The following CNTNAP2 variants were observed in gnomAD, a reference collection of about 807,000 sequenced individuals.
CNTNAP2 encodes the protein contactin-associated protein-like 2.
Under a neutral mutation model 155.2 loss-of-function variants are expected in CNTNAP2, and 98 were observed. The ratio of observed to expected loss-of-function variants is 0.63; its 90% CI spans 0.54 to 0.75. The LOEUF (loss-of-function observed/expected upper bound fraction) is 0.75. CNTNAP2 is among the 30% of genes least tolerant of loss of function. The pLI is 0.00. For synonymous variants in CNTNAP2, 651 were observed against 631.2 expected (o/e 1.03, Z -0.47); for missense variants, 1,727 against 1,688.1 (o/e 1.02, Z -0.40).
intron 13 of CNTNAP2, among the ~76,000 whole-genome samples, chr7:147,896,365 A>G (rs968445056): frequency 2.0e-5 from 3 of 152,182 alleles, no homozygotes; most frequent in Non-Finnish European, 4.4e-5. Flanking sequence ...CCCGCTGCCT[A>G]GACAGAGTCG....
intron 6 of CNTNAP2, among the ~76,000 whole-genome samples, chr7:147,123,673 T>C (rs967222998): frequency 6.6e-6 from 1 of 152,264 alleles, no homozygotes; most frequent in Non-Finnish European, 1.5e-5. Context: ...TAAAAGTGGC[T>C]GTGCTTACCT....
intron 21 of CNTNAP2, among the ~76,000 whole-genome samples, chr7:148,365,051 C>T (rs186234560): frequency 3.2e-4 from 49 of 152,282 alleles, no homozygotes; most frequent in African/African-American, 1.0e-3. Flanking sequence ...TAACAGTCAC[C>T]GCGAGGGTCC....
At chr7:147,024,438 ATGT>A (rs1311730742) in intron 3 of CNTNAP2, among the ~76,000 whole-genome samples, 1 of 152,174 alleles carries the variant, frequency 6.6e-6, no homozygotes, top group African/African-American at 2.4e-5. Context: ...ATCGTGTAGA[ATGT>A]TATTATTGGA....
At chr7:146,231,700 G>T (rs111953020) in intron 1 of CNTNAP2, among the ~76,000 whole-genome samples, 2,321 of 152,230 alleles carry the variant, frequency 0.015, 50 homozygotes, top group African/African-American at 0.052. Flanking sequence ...TCTTCTGTGA[G>T]ACTACATACA....
chr7:146,359,399 TAA>T (rs1795049526), intron 1 of CNTNAP2, among the ~76,000 whole-genome samples: 1 of 152,230 alleles, frequency 6.6e-6, no homozygotes, highest in African/African-American at 2.4e-5. Context: ...CCACGATCTC[TAA>T]AGTCTATCTA....
chr7:146,230,157 C>A (rs118065857), intron 1 of CNTNAP2, among the ~76,000 whole-genome samples: 3,046 of 152,080 alleles, frequency 0.02, 51 homozygotes, highest in Non-Finnish European at 0.031. Context: ...CACTTGAGAT[C>A]AAAAAAGAAA....
In CNTNAP2 at chr7:146,345,634, C is replaced by T. The variant is rs1794808640; in HGVS notation, c.97+228661C>T. ...ACAAGGTCAGCATGATACCTTAGAACCATTCATTTCTTTCCACTCCACTTC... is the reference window on the plus strand; with the variant it reads ...ACAAGGTCAGCATGATACCTTAGAATCATTCATTTCTTTCCACTCCACTTC... On this transcript the variant is annotated intron_variant, in intron 1 of 23. Transcript: ENST00000361727. Among the ~76,000 whole-genome samples, 3 of 152,098 alleles carry T rather than the reference C, an allele frequency of 2.0e-5. 1 individual carries two copies. In the South Asian group the frequency reaches 6.2e-4, roughly 32 times the overall value.
intron 19 of CNTNAP2, among the ~76,000 whole-genome samples, chr7:148,222,214 G>T (rs376411262): frequency 1.3e-5 from 2 of 152,200 alleles, no homozygotes; most frequent in Admixed American, 6.5e-5. Context: ...CCTTTATAGG[G>T]TGTCTTATTT....
chr7:146,301,792 C>T (rs867568206), intron 1 of CNTNAP2, among the ~76,000 whole-genome samples: 11 of 152,190 alleles, frequency 7.2e-5, no homozygotes, highest in East Asian at 3.9e-4. Flanking sequence ...AACATAAACA[C>T]GGGAGGGACA....
chr7:147,907,826 G>C (rs1799989559), intron 14 of CNTNAP2, among the ~76,000 whole-genome samples: 1 of 152,020 alleles, frequency 6.6e-6, no homozygotes, highest in Admixed American at 6.6e-5. Flanking sequence ...CTGTCAACCA[G>C]GCTGAGGTAC....
intron 13 of CNTNAP2, among the ~76,000 whole-genome samples, chr7:147,799,366 A>G (rs1261670523): frequency 6.6e-6 from 1 of 152,134 alleles, no homozygotes; most frequent in African/African-American, 2.4e-5. Context: ...TCCTGCAATC[A>G]TGTAGTAAAT....
chr7:146,779,212 C>T (rs912298992), intron 2 of CNTNAP2, among the ~76,000 whole-genome samples: 5 of 152,176 alleles, frequency 3.3e-5, no homozygotes, highest in African/African-American at 1.2e-4. Context: ...GTCACCTCCC[C>T]CTGTCTGAGC....
At chr7:146,158,901 A>T (rs982866750) in intron 1 of CNTNAP2, among the ~76,000 whole-genome samples, 4 of 152,218 alleles carry the variant, frequency 2.6e-5, no homozygotes, top group African/African-American at 9.6e-5. Context: ...TGCTACAAAG[A>T]TACTCCTCAA....
intron 8 of CNTNAP2, among the ~76,000 whole-genome samples, chr7:147,230,570 C>T (rs529586216): frequency 2.1e-4 from 32 of 152,128 alleles, no homozygotes; most frequent in Middle Eastern, 3.4e-3. Flanking sequence ...ATTGACATAA[C>T]GATTATACAT....
chr7:148,020,996 T>C (rs1303385300), intron 15 of CNTNAP2, among the ~76,000 whole-genome samples: 1 of 152,242 alleles, frequency 6.6e-6, no homozygotes, highest in African/African-American at 2.4e-5. Context: ...CTTGCATTTC[T>C]TCTTCTCCAC....
chr7:146,320,363 G>A (rs1440559114), intron 1 of CNTNAP2, among the ~76,000 whole-genome samples: 2 of 152,060 alleles, frequency 1.3e-5, no homozygotes, highest in African/African-American at 4.8e-5. Context: ...AATGCTTATA[G>A]GATAAGGGGT....
chr7:147,250,132 C>A (rs1804162939), intron 8 of CNTNAP2, among the ~76,000 whole-genome samples: 1 of 152,150 alleles, frequency 6.6e-6, no homozygotes, highest in Non-Finnish European at 1.5e-5. Flanking sequence ...TTACTCTTCA[C>A]AAGCTCCCCA....
chr7:147,706,513 T>A (rs1469608969), intron 13 of CNTNAP2, among the ~76,000 whole-genome samples: 1 of 152,172 alleles, frequency 6.6e-6, no homozygotes, highest in Non-Finnish European at 1.5e-5. Context: ...TGATAGGGGT[T>A]CCCTTATAAG....
In CNTNAP2 at chr7:147,132,505, C is replaced by T. The variant is rs1173024455; in HGVS notation, c.1344C>T (p.Ser448=). The change falls in exon 8 of 24, where the codon TCC becomes TCT. Residue 448 remains serine, a synonymous_variant. Coordinates refer to ENST00000361727, the MANE Select transcript of CNTNAP2 (RefSeq NM_014141.6). ...TQTKMSQIDI[S]SGSGLNDGQW... ...CCAAGATGAGCCAAATCGATATTTC[C>T]TCAGGTCAGTGAAACCTATTTGACA... 2 of 1,613,440 alleles carry T rather than the reference C, an allele frequency of 1.2e-6. No homozygotes were observed. Among genetic ancestry groups the T allele is most frequent in the East Asian group, 2.2e-5 (1 of 44,854 alleles).
Sources: gnomAD v4.1 joint callset for allele counts (sites outside exome capture counted in the v4.1 genomes callset) on GRCh38, gnomAD v4.1.1 for gene constraint, MANE v1.5 for transcripts, NCBI Gene and HGNC (gene_info 2026-07-23, HGNC 2026-07-21) for gene names.